BDNF: variants seen among roughly 807,000 people sequenced by gnomAD.
BDNF encodes neurotrophic factor BDNF precursor form.
BDNF carries 1 observed loss-of-function variant against 19.5 expected under a neutral mutation model. That is an observed-to-expected ratio of 0.05 (90% confidence interval 0.02 to 0.24). BDNF has a LOEUF of 0.24. Ranked by LOEUF, BDNF falls within the 10% of genes least tolerant of loss-of-function variation. The pLI is 1.00. For synonymous variants in BDNF, 100 were observed against 121.6 expected, an observed-to-expected ratio of 0.82 and a Z score of 1.17; for missense variants, 195 against 317.6, an observed-to-expected ratio of 0.61 and a Z score of 2.93.
intron 1 of BDNF, among the ~76,000 whole-genome samples, chr11:27,669,294 A>G (rs1854923978): frequency 6.6e-6 from 1 of 152,212 alleles, no homozygotes; most frequent in African/African-American, 2.4e-5. Flanking sequence ...ACCCACAGCC[A>G]ATGTCATACT....
At chr11:27,660,426 C>G (rs1002938282) in intron 1 of BDNF, among the ~76,000 whole-genome samples, 3 of 152,158 alleles carry the variant, frequency 2.0e-5, no homozygotes, top group Non-Finnish European at 4.4e-5. Context: ...ACAACTAAAT[C>G]TTTGTGAATG....
intron 1 of BDNF, chr11:27,675,532 A>G (rs569047451): frequency 6.6e-6 from 1 of 152,168 alleles, no homozygotes; most frequent in African/African-American, 2.4e-5. Context: ...AAGTGTCAAC[A>G]TGCCTTTAAA....
intron 1 of BDNF, among the ~76,000 whole-genome samples, chr11:27,677,995 T>A (rs752520333): frequency 6.6e-6 from 1 of 152,112 alleles, no homozygotes; most frequent in African/African-American, 2.4e-5. Flanking sequence ...GTGGGACAAT[T>A]GGGTATAGAG....
At chr11:27,663,406 C>A (rs974492504) in intron 1 of BDNF, among the ~76,000 whole-genome samples, 5 of 152,190 alleles carry the variant, frequency 3.3e-5, no homozygotes, top group African/African-American at 1.2e-4. Flanking sequence ...AAAAGAAAAT[C>A]AATGAAGTAG....
Position 27,720,768 on chromosome 11 carries a change from A to T in BDNF, c.3+644T>A, listed in dbSNP as rs554116130. ...AGGCTTAAAAATCTCTAATTAAGTGATACTTGATATTGCTCTAGACGGTTT... is the reference window on the plus strand; with the variant it reads ...AGGCTTAAAAATCTCTAATTAAGTGTTACTTGATATTGCTCTAGACGGTTT... On this transcript the variant is annotated intron_variant, in intron 1 of 1. Transcript: ENST00000314915. 64 of 986,394 alleles carry T rather than the reference A, an allele frequency of 6.5e-5. No homozygotes were observed. The African/African-American group carries it at 1.0e-3, about 16-fold the overall frequency. The allele number at this position is 986,394 out of a possible 1,614,324, so 61.1% of individuals were successfully genotyped here.
rs1247089986 is a variant in BDNF at position 27,657,134 on chromosome 11, T to C, written c.*687A>G. The C allele has an allele frequency of 1.0e-6, 1 of 983,472 alleles. No individual in the cohort carries two copies. 60.9% of individuals were successfully genotyped at this position (983,472 alleles called of 1,614,324 possible). A position where few individuals can be genotyped will look rare whatever the true frequency, so the allele number is the denominator to read the frequency against. On this transcript the variant is annotated 3_prime_UTR_variant, in exon 2 of 2. Transcript: ENST00000356660. The surrounding 1 kb of genome is among the most constrained non-coding windows in gnomAD (Gnocchi z 5.0). ...TCACTTTCTAGTCATCTGATCGATA[T>C]TGCAAACATCTTCACAACATACAAA...
Position 27,657,144 on chromosome 11 carries a change from C to G in BDNF, c.*677G>C. 5.1e-6 allele frequency: 5 copies of G among 982,548 alleles called. No individual in the cohort carries two copies. The highest frequency in any genetic ancestry group is 6.0e-6 in the Non-Finnish European group (5 of 827,024). 60.9% of individuals were successfully genotyped at this position (982,548 alleles called of 1,614,324 possible). A position where few individuals can be genotyped will look rare whatever the true frequency, so the allele number is the denominator to read the frequency against. On this transcript the variant is annotated 3_prime_UTR_variant, in exon 2 of 2. Transcript: ENST00000356660. This position sits in a 1 kb window ranked among gnomAD's most constrained non-coding sequence, Gnocchi z 5.0. ...GTCATCTGATCGATATTGCAAACAT[C>G]TTCACAACATACAAATGTATCTTTT...
At chr11:27,715,094 T>A (rs1455822340) in intron 1 of BDNF, among the ~76,000 whole-genome samples, 3 of 152,164 alleles carry the variant, frequency 2.0e-5, no homozygotes, top group African/African-American at 7.2e-5. Flanking sequence ...TCCTGGCACA[T>A]AATGGCAAAT....
chr11:27,682,367 T>A (rs1020751247), intron 1 of BDNF, among the ~76,000 whole-genome samples: 5 of 151,190 alleles, frequency 3.3e-5, no homozygotes, highest in Non-Finnish European at 7.4e-5. Flanking sequence ...CACTGCTGTA[T>A]GCTGCATTCT....
intron 1 of BDNF, among the ~76,000 whole-genome samples, chr11:27,678,033 T>A (rs1856406446): frequency 6.6e-6 from 1 of 152,130 alleles, no homozygotes; most frequent in African/African-American, 2.4e-5. Flanking sequence ...GGGGCTGAAG[T>A]CCTGAATTCT....
intron 1 of BDNF, among the ~76,000 whole-genome samples, chr11:27,705,895 C>A (rs1395515685): frequency 2.0e-5 from 3 of 152,332 alleles, no homozygotes; most frequent in African/African-American, 2.4e-5. Flanking sequence ...GCATAAAATA[C>A]ATTTTAGCCC....
Position 27,657,996 on chromosome 11 carries a change from C to T in BDNF, c.569G>A (p.Gly190Asp), listed in dbSNP as rs769727156. The T allele has an allele frequency of 6.2e-7, 1 of 1,613,990 alleles. No individual in the cohort carries two copies. The highest frequency in any genetic ancestry group is 8.5e-7 in the Non-Finnish European group (1 of 1,180,034). The change falls in exon 2 of 2, where the codon GGT becomes GAT. Residue 190 changes from glycine (G) to aspartate (D), a missense_variant. Gly to Asp is a moderately conservative substitution (Grantham distance 94, BLOSUM62 -1). Coordinates refer to ENST00000356660, the MANE Select transcript of BDNF (RefSeq NM_001709.5). This position sits in a 1 kb window ranked among gnomAD's most constrained non-coding sequence, Gnocchi z 5.0. Reference sequence around the variant, plus strand: ...GCCCCTGCAGCCTTCTTTTGTGTAACCCATGGGATTGCACTTGGTCTCGTA... The same window carrying T: ...GCCCCTGCAGCCTTCTTTTGTGTAATCCATGGGATTGCACTTGGTCTCGTA... ...YFYETKCNPM[G>D]YTKEGCRGID...
chr11:27,674,102 T>G (rs1590317983), intron 1 of BDNF: 1 of 1,611,530 alleles, frequency 6.2e-7, no homozygotes, highest in South Asian at 1.1e-5. Flanking sequence ...TAAATTCCAC[T>G]GAAACGTGGA....
chr11:27,691,739 T>C (rs1196479352), intron 1 of BDNF, among the ~76,000 whole-genome samples: 1 of 152,164 alleles, frequency 6.6e-6, no homozygotes, highest in Non-Finnish European at 1.5e-5. Flanking sequence ...AAATAAGTTA[T>C]AAATAAATTA....
chr11:27,663,731 A>G (rs1853837914), intron 1 of BDNF, among the ~76,000 whole-genome samples: 1 of 152,216 alleles, frequency 6.6e-6, no homozygotes, highest in African/African-American at 2.4e-5. Flanking sequence ...TTAGAATATC[A>G]GCCACAGAGA....
chr11:27,719,514 G>T, intron 1 of BDNF: 1 of 985,482 alleles, frequency 1.0e-6, no homozygotes, highest in Non-Finnish European at 1.2e-6. Context: ...CTCGGACCTG[G>T]GCTCAGTGAG....
At chr11:27,661,171 A>G (rs1319527658) in intron 1 of BDNF, among the ~76,000 whole-genome samples, 1 of 152,204 alleles carries the variant, frequency 6.6e-6, no homozygotes, top group African/African-American at 2.4e-5. Context: ...AATGGTGACA[A>G]AGTCCAACCC....
intron 1 of BDNF, among the ~76,000 whole-genome samples, chr11:27,664,367 G>C (rs1853967106): frequency 6.6e-6 from 1 of 151,958 alleles, no homozygotes; most frequent in Non-Finnish European, 1.5e-5. Flanking sequence ...CTAGGAGGGA[G>C]GTAGGACATA....
At chr11:27,701,500 G>A (rs955851081), upstream of BDNF, 1 of 989,456 alleles carries the variant, frequency 1.0e-6, no homozygotes, top group Non-Finnish European at 1.2e-6. Context: ...GAAATTGCAT[G>A]GCGGAGGTAA....
Sources: gnomAD v4.1 joint callset for allele counts (sites outside exome capture counted in the v4.1 genomes callset) on GRCh38, gnomAD v4.1.1 for gene constraint, Gnocchi (gnomAD v3.1) non-coding constraint, MANE v1.5 for transcripts, NCBI Gene and HGNC (gene_info 2026-07-23, HGNC 2026-07-21) for gene names.